HVCN1: variants seen among roughly 807,000 people sequenced by gnomAD.
HVCN1 encodes the protein voltage-gated hydrogen channel 1.
Under a neutral mutation model 29.2 loss-of-function variants are expected in HVCN1, and 14 were observed. The observed-to-expected ratio is 0.48, with a 90% confidence interval of 0.32 to 0.75. The LOEUF is 0.75. Among genes scored for constraint, HVCN1 ranks in the 30% least tolerant of loss-of-function variants. HVCN1 has a pLI of 0.04. For missense variants in HVCN1, 263 were observed against 341.8 expected (o/e 0.77, Z 1.82); for synonymous variants, 131 against 133.2 (o/e 0.98, Z 0.11).
chr12:110,678,456 T>G, intron 3 of HVCN1, among the ~76,000 whole-genome samples: 1 of 131,574 alleles, frequency 7.6e-6, no homozygotes, highest in Non-Finnish European at 1.6e-5. Flanking sequence ...TTTTTTTTTT[T>G]TTTTTTTTTT....
chr12:110,687,660 G>T (rs567671572), intron 2 of HVCN1, among the ~76,000 whole-genome samples: 2 of 152,144 alleles, frequency 1.3e-5, no homozygotes, highest in Non-Finnish European at 2.9e-5. Flanking sequence ...GTGGAAGTAG[G>T]GGGTGGAGGG....
chr12:110,657,208 CT>C (rs1295939291), intron 4 of HVCN1, among the ~76,000 whole-genome samples: 3 of 152,122 alleles, frequency 2.0e-5, no homozygotes, highest in Non-Finnish European at 4.4e-5. Context: ...TGAAAATGCT[CT>C]GGGGCCGGAC....
rs779738070 is a variant in HVCN1 at position 110,649,361 on chromosome 12, C to G, written c.*49G>C. ...GGGGCAGCTGTTCCTCTCGTGACAGCACAGGCCCATGAGACAGTGTCTTCT... is the reference window on the plus strand; with the variant it reads ...GGGGCAGCTGTTCCTCTCGTGACAGGACAGGCCCATGAGACAGTGTCTTCT... On this transcript the variant is annotated 3_prime_UTR_variant, in exon 8 of 8. Coordinates refer to ENST00000242607, the MANE Select transcript of HVCN1 (RefSeq NM_032369.4). 1.3e-6 allele frequency: 2 copies of G among 1,484,494 alleles called. No individual in the cohort carries two copies. Among genetic ancestry groups the G allele is most frequent in the Admixed American group, 3.4e-5 (2 of 58,122 alleles). 92.0% of individuals were successfully genotyped at this position (1,484,494 alleles called of 1,614,324 possible). A position where few individuals can be genotyped will look rare whatever the true frequency, so the allele number is the denominator to read the frequency against.
In HVCN1 at chr12:110,681,673, C is replaced by A. The variant is rs113597977; in HGVS notation, c.21+1552G>T. Among the ~76,000 whole-genome samples, 243 of 152,288 alleles carry A rather than the reference C, an allele frequency of 1.6e-3. 1 individual carries two copies. The highest frequency in any genetic ancestry group is 5.6e-3 in the African/African-American group (232 of 41,560). On this transcript the variant is annotated intron_variant, in intron 3 of 7. Transcript: ENST00000242607. Reference sequence around the variant, plus strand: ...AATACACAATCACCATCATCATCATCATCATCCCGTGGTCATTCTGACCCT... The same window carrying A: ...AATACACAATCACCATCATCATCATAATCATCCCGTGGTCATTCTGACCCT...
At chr12:110,667,469 C>T (rs1436314888) in intron 3 of HVCN1, among the ~76,000 whole-genome samples, 2 of 151,972 alleles carry the variant, frequency 1.3e-5, no homozygotes, top group Non-Finnish European at 2.9e-5. Context: ...CTCGCTCTGT[C>T]ACCCAGGCTG....
intron 2 of HVCN1, among the ~76,000 whole-genome samples, chr12:110,683,671 G>A (rs2136445340): frequency 6.6e-6 from 1 of 152,266 alleles, no homozygotes; most frequent in East Asian, 1.9e-4. Context: ...GCACTTTTGG[G>A]AGGCCAAGGT....
At chr12:110,691,740 C>T (rs542234944), upstream of HVCN1, among the ~76,000 whole-genome samples, 1 of 152,336 alleles carries the variant, frequency 6.6e-6, no homozygotes, top group African/African-American at 2.4e-5. Flanking sequence ...CAAGGCAAGG[C>T]TCAAACCCTG....
intron 4 of HVCN1, among the ~76,000 whole-genome samples, chr12:110,656,580 A>AC (rs377732826): frequency 3.3e-4 from 49 of 150,604 alleles, no homozygotes; most frequent in African/African-American, 1.0e-3. Flanking sequence ...CACCGTACCC[A>AC]CCCCCCCGCC....
At chr12:110,692,473 A>G (rs1055082086), upstream of HVCN1, among the ~76,000 whole-genome samples, 1 of 152,156 alleles carries the variant, frequency 6.6e-6, no homozygotes, top group Non-Finnish European at 1.5e-5. Flanking sequence ...TAGTCTGAGC[A>G]CTTTGGGAGG....
At chr12:110,663,177 T>C (rs975963658) in intron 3 of HVCN1, among the ~76,000 whole-genome samples, 3 of 152,210 alleles carry the variant, frequency 2.0e-5, no homozygotes, top group African/African-American at 7.2e-5. Context: ...AAATTTGGCA[T>C]GATCTTGTCA....
intron 2 of HVCN1, among the ~76,000 whole-genome samples, chr12:110,698,731 C>T (rs951514842): frequency 3.9e-5 from 6 of 152,228 alleles, no homozygotes; most frequent in African/African-American, 9.6e-5. Flanking sequence ...TGAGTCACTC[C>T]GTCCACTGGC....
Position 110,676,522 on chromosome 12 carries a change from C to T in HVCN1, c.21+6703G>A, listed in dbSNP as rs1454541872. On this transcript the variant is annotated intron_variant, in intron 3 of 7. Transcript: ENST00000242607. This position sits in a 1 kb window ranked among gnomAD's most constrained non-coding sequence, Gnocchi z 4.1. Reference sequence around the variant, plus strand: ...TGGAAACAGCATGGTTTATGCTGAACTCCTACTTTCATTTGGAGAGTATGG... The same window carrying T: ...TGGAAACAGCATGGTTTATGCTGAATTCCTACTTTCATTTGGAGAGTATGG... 6.6e-6 allele frequency among the ~76,000 whole-genome samples: 1 copy of T among 152,194 alleles called. No homozygotes were observed. Among genetic ancestry groups the T allele is most frequent in the East Asian group, 1.9e-4 (1 of 5,184 alleles).
At chr12:110,650,385 G>C (rs999214176) in intron 6 of HVCN1, 105 bp from the exon 7 acceptor site, 1 of 667,560 alleles carries the variant, frequency 1.5e-6, no homozygotes, top group African/African-American at 1.8e-5. Flanking sequence ...AGTGGTGACA[G>C]ACACGCGAGA....
intron 3 of HVCN1, among the ~76,000 whole-genome samples, chr12:110,670,460 T>C (rs2068537710): frequency 6.6e-6 from 1 of 152,212 alleles, no homozygotes; most frequent in South Asian, 2.1e-4. Context: ...TGTATTACTA[T>C]GGTTGCTTAT....
intron 1 of HVCN1, among the ~76,000 whole-genome samples, chr12:110,704,529 G>T (rs983488102): frequency 6.6e-6 from 1 of 151,904 alleles, no homozygotes; most frequent in East Asian, 1.9e-4. Context: ...GTGGTAGTGC[G>T]TGCCTGTGGT....
At chr12:110,664,724 G>T (rs540199073) in intron 3 of HVCN1, among the ~76,000 whole-genome samples, 14 of 152,156 alleles carry the variant, frequency 9.2e-5, no homozygotes, top group African/African-American at 2.4e-4. Flanking sequence ...TTGTGAATCT[G>T]CTTGGCAATG....
chr12:110,696,723 T>G (rs985864041), intron 2 of HVCN1, among the ~76,000 whole-genome samples: 2 of 152,200 alleles, frequency 1.3e-5, no homozygotes, highest in Non-Finnish European at 2.9e-5. Context: ...AGCACAATGT[T>G]TTCAAGCGTC....
rs2068157284 is a variant in HVCN1 at position 110,661,203 on chromosome 12, C to A, written c.267G>T (p.Arg89Ser). ...GPAPRAPLDF[R>S]GMLRKLFSSH... Reference sequence around the variant, plus strand: ...AGCTGAACAGTTTCCTCAACATGCCCCTGAAGTCAAGGGGGGCCCTGGGTG... The same window carrying A: ...AGCTGAACAGTTTCCTCAACATGCCACTGAAGTCAAGGGGGGCCCTGGGTG... Residue 89 changes from arginine to serine, a missense_variant, in exon 4 of 8, where the codon AGG becomes AGT. This residue lies in a region of HVCN1 where 157 missense variants were observed against 181.3 expected (regional missense o/e 0.87). Transcript: ENST00000242607. The surrounding 1 kb of genome is among the most constrained non-coding windows in gnomAD (Gnocchi z 6.2). 6.2e-7 allele frequency: 1 copy of A among 1,613,186 alleles called. No homozygotes were observed. The highest frequency in any genetic ancestry group is 1.3e-5 in the African/African-American group (1 of 74,912).
rs1036655796 is a variant in HVCN1, at chr12:110,658,121, C to T, written c.307-2783G>A. ...CTCCTGGGACCACTTTCCCTTGGCTCCACTCTGTCCTGTCATTCATGGCTT... is the reference window on the plus strand; with the variant it reads ...CTCCTGGGACCACTTTCCCTTGGCTTCACTCTGTCCTGTCATTCATGGCTT... On this transcript the variant is annotated intron_variant, in intron 4 of 7. Transcript: ENST00000242607. This position sits in a 1 kb window ranked among gnomAD's most constrained non-coding sequence, Gnocchi z 5.0. 4.6e-5 allele frequency among the ~76,000 whole-genome samples: 7 copies of T among 152,234 alleles called. No individual in the cohort carries two copies. The highest frequency in any genetic ancestry group is 1.7e-4 in the African/African-American group (7 of 41,530).
Sources: gnomAD v4.1 joint callset for allele counts (sites outside exome capture counted in the v4.1 genomes callset) on GRCh38, gnomAD v4.1.1 for gene constraint, gnomAD v4.1.1 regional missense constraint, Gnocchi (gnomAD v3.1) non-coding constraint, MANE v1.5 for transcripts, NCBI Gene and HGNC (gene_info 2026-07-23, HGNC 2026-07-21) for gene names.